NKIRAS1: variants seen among roughly 807,000 people sequenced by gnomAD.
The protein encoded by NKIRAS1 is NF-kappa-B inhibitor-interacting Ras-like protein 1.
A neutral mutation model predicts 19.8 loss-of-function variants in NKIRAS1; 16 were observed. The observed-to-expected ratio is 0.81, with a 90% CI of 0.55 to 1.23. The LOEUF is 1.23. Among genes scored for constraint, NKIRAS1 ranks in the 50% most tolerant of loss-of-function variants. The pLI is 0.00. For synonymous variants in NKIRAS1, 88 were observed against 79.0 expected, an observed-to-expected ratio of 1.11 and a Z score of -0.61; for missense variants, 184 against 220.0, an observed-to-expected ratio of 0.84 and a Z score of 1.04.
chr3:23,930,041 T>C (rs1205426832), intron 1 of NKIRAS1, among the ~76,000 whole-genome samples: 2 of 152,078 alleles, frequency 1.3e-5, no homozygotes, highest in Non-Finnish European at 2.9e-5. Context: ...GAAAGGCAGG[T>C]CAAATTATAA....
intron 3 of NKIRAS1, among the ~76,000 whole-genome samples, chr3:23,903,288 A>AT (rs1332847207): frequency 2.0e-5 from 3 of 151,982 alleles, no homozygotes. Flanking sequence ...TAATTCTTGT[A>AT]TTTTTTTGTA....
At chr3:23,946,193 G>A in intron 1 of NKIRAS1, 1 of 985,372 alleles carries the variant, frequency 1.0e-6, no homozygotes, top group Non-Finnish European at 1.2e-6. Context: ...CCGCGGCGGG[G>A]CGTCCCCGAA....
At chr3:23,937,845 G>T (rs1244198875) in intron 1 of NKIRAS1, among the ~76,000 whole-genome samples, 3 of 151,854 alleles carry the variant, frequency 2.0e-5, no homozygotes, top group Admixed American at 1.3e-4. Flanking sequence ...TGATTGTTTT[G>T]GATTTTTATA....
At chr3:23,899,358 G>C (rs985533160) in intron 4 of NKIRAS1, among the ~76,000 whole-genome samples, 2 of 152,338 alleles carry the variant, frequency 1.3e-5, no homozygotes, top group East Asian at 3.9e-4. Context: ...TCTTAAAACT[G>C]CATGTGACTC....
In NKIRAS1 at chr3:23,898,820, C is replaced by T. The variant is rs529416174; in HGVS notation, c.336+1988G>A. 1.1e-4 allele frequency among the ~76,000 whole-genome samples: 17 copies of T among 152,246 alleles called. No homozygotes were observed. In the South Asian group the frequency reaches 1.9e-3, roughly 17 times the overall value. On this transcript the variant is annotated intron_variant, in intron 4 of 4. Transcript: ENST00000425478. ...TACCAGTCCAGGGCCTGTTAGGAAC[C>T]GGGCCACACAACAGGAGGTGAGCAG...
Position 23,890,073 on chromosome 3 carries a change from G to A in NKIRAS1, c.*3022C>T, listed in dbSNP as rs1701340927. 6.6e-6 allele frequency among the ~76,000 whole-genome samples: 1 copy of A among 152,134 alleles called. No homozygotes were observed. Among genetic ancestry groups the A allele is most frequent in the Non-Finnish European group, 1.5e-5 (1 of 68,026 alleles). On this transcript the variant is annotated 3_prime_UTR_variant, in exon 5 of 5. Coordinates refer to ENST00000425478, the MANE Select transcript of NKIRAS1 (RefSeq NM_020345.4). ...TCTTTAACCAGCGTAAAGGTTAATA[G>A]TGTTGCACTGCAACAGCCCCGAAGA...
rs925400098 is a variant in NKIRAS1, at chr3:23,927,505, C to T, written c.-139-16055G>A. On this transcript the variant is annotated intron_variant, in intron 1 of 4. Coordinates refer to the NKIRAS1 transcript ENST00000421515. This position sits in a 1 kb window ranked among gnomAD's most constrained non-coding sequence, Gnocchi z 4.0. Reference sequence around the variant, plus strand: ...CAGCTCACTCTGAAATCCTGGCAAACGGCAACTCACTCCTCCAAAACTGAT... The same window carrying T: ...CAGCTCACTCTGAAATCCTGGCAAATGGCAACTCACTCCTCCAAAACTGAT... 5.3e-5 allele frequency among the ~76,000 whole-genome samples: 8 copies of T among 152,196 alleles called. No homozygotes were observed. Among genetic ancestry groups the T allele is most frequent in the African/African-American group, 1.2e-4 (5 of 41,438 alleles).
upstream of NKIRAS1, chr3:23,921,742 G>A (rs560035188): frequency 2.8e-5 from 17 of 613,196 alleles, no homozygotes; most frequent in Middle Eastern, 8.6e-4. Flanking sequence ...GCCCAGCTAA[G>A]TTTTGTATTT....
chr3:23,946,056 G>A, intron 1 of NKIRAS1: 1 of 974,888 alleles, frequency 1.0e-6, no homozygotes, highest in Non-Finnish European at 1.2e-6. Context: ...CTGGCTGGGA[G>A]CGCCGCAGCC....
chr3:23,935,879 A>G (rs1447531941), intron 1 of NKIRAS1, among the ~76,000 whole-genome samples: 3 of 152,130 alleles, frequency 2.0e-5, no homozygotes, highest in African/African-American at 4.8e-5. Flanking sequence ...CAGGAGTTCA[A>G]GACCAGCCCA....
chr3:23,930,150 G>A (rs1159421646), intron 1 of NKIRAS1, among the ~76,000 whole-genome samples: 2 of 152,158 alleles, frequency 1.3e-5, no homozygotes, highest in East Asian at 3.8e-4. Context: ...AGAACATGGG[G>A]AATCCAGAGA....
intron 1 of NKIRAS1, among the ~76,000 whole-genome samples, chr3:23,945,751 C>A (rs1274988190): frequency 6.7e-6 from 1 of 150,194 alleles, no homozygotes; most frequent in African/African-American, 2.4e-5. Context: ...GTTCCCATCG[C>A]CCCCCGGGCC....
upstream of NKIRAS1, chr3:23,918,585 T>A (rs1486593646): frequency 1.9e-6 from 3 of 1,612,022 alleles, no homozygotes; most frequent in Non-Finnish European, 2.5e-6. Flanking sequence ...AGGTAAATGG[T>A]TTTGAGTAGC....
At chr3:23,924,919 T>C (rs1441466088) in intron 1 of NKIRAS1, among the ~76,000 whole-genome samples, 1 of 152,204 alleles carries the variant, frequency 6.6e-6, no homozygotes. Context: ...TGTTTCTTGA[T>C]CATACTTCAT....
In NKIRAS1 at chr3:23,905,855, C is replaced by T. The variant is rs528022004; in HGVS notation, c.95-4806G>A. On this transcript the variant is annotated intron_variant, in intron 3 of 4. Coordinates refer to ENST00000425478, the MANE Select transcript of NKIRAS1 (RefSeq NM_020345.4). ...AAAAGAAGACAAGAGATCTAGGAAA[C>T]AGGAAATCAAAACCAGGGAGAGGCC... is the stretch of plus-strand genomic sequence containing the variant. Among the ~76,000 whole-genome samples the T allele has an allele frequency of 1.3e-4, 19 of 148,498 alleles. No homozygotes were observed. In the South Asian group the frequency reaches 2.1e-3, roughly 17 times the overall value.
chr3:23,912,813 T>A (rs1033711376), intron 1 of NKIRAS1, among the ~76,000 whole-genome samples: 1 of 152,104 alleles, frequency 6.6e-6, no homozygotes, highest in African/African-American at 2.4e-5. Context: ...AATGATAGAC[T>A]GGATTAAGAA....
upstream of NKIRAS1, chr3:23,920,852 CCTT>C (rs1705041375): frequency 5.7e-6 from 5 of 877,840 alleles, no homozygotes; most frequent in Non-Finnish European, 6.8e-6. Context: ...AACAAATGGA[CCTT>C]CTGTTATTTT....
At chr3:23,908,100 A>G (rs1407517594) in intron 3 of NKIRAS1, among the ~76,000 whole-genome samples, 3 of 152,206 alleles carry the variant, frequency 2.0e-5, no homozygotes, top group African/African-American at 7.2e-5. Flanking sequence ...ACAGATTCCC[A>G]ATACTGATGA....
upstream of NKIRAS1, chr3:23,921,495 G>T: frequency 3.0e-6 from 2 of 658,816 alleles, no homozygotes; most frequent in South Asian, 3.4e-5. Context: ...TACCCTGACC[G>T]CCCCACAAGC....
Sources: allele counts gnomAD v4.1 joint callset (sites outside exome capture counted in the v4.1 genomes callset), GRCh38; gene constraint gnomAD v4.1.1; non-coding constraint Gnocchi (gnomAD v3.1); transcripts MANE v1.5; gene names NCBI Gene and HGNC (gene_info 2026-07-23, HGNC 2026-07-21).